ACYP2: variants seen among roughly 807,000 people sequenced by gnomAD.
ACYP2 encodes the protein acylphosphatase-2.
Under a neutral mutation model 11.2 loss-of-function variants are expected in ACYP2, and 12 were observed. That is an observed-to-expected ratio of 1.08 (90% confidence interval 0.69 to 1.74). The LOEUF (loss-of-function observed/expected upper bound fraction) is 1.74. ACYP2 is among the 40% of genes most tolerant of loss of function. The probability of loss-of-function intolerance (pLI) is 0.00; values close to 1 mark genes in which losing one functional copy is unlikely to be tolerated. For synonymous variants in ACYP2, 43 were observed against 32.2 expected (o/e 1.33, Z -1.13); for missense variants, 134 against 101.9 (o/e 1.31, Z -1.35).
intron 5 of ACYP2, 108 bp downstream of exon 2, chr2:54,135,577 G>A (rs1681175694): frequency 3.8e-6 from 3 of 785,212 alleles, no homozygotes; most frequent in Non-Finnish European, 6.1e-6. Context: ...TTTACTCCCT[G>A]TCCTTGACAG....
At chr2:54,240,253 G>A (rs1435399467) in intron 6 of ACYP2, among the ~76,000 whole-genome samples, 2 of 152,190 alleles carry the variant, frequency 1.3e-5, no homozygotes, top group Non-Finnish European at 2.9e-5. Flanking sequence ...TTTAGGTGAG[G>A]AATGAAGTCA....
chr2:54,256,260 A>G (rs1253743735), intron 6 of ACYP2: 5 of 1,302,396 alleles, frequency 3.8e-6, no homozygotes, highest in Non-Finnish European at 5.3e-6. Flanking sequence ...TGCGCCGCCC[A>G]CTCTTCAGTC....
chr2:54,095,201 G>A (rs1344246271), intron 4 of ACYP2, among the ~76,000 whole-genome samples: 3 of 152,094 alleles, frequency 2.0e-5, no homozygotes, highest in Non-Finnish European at 2.9e-5. Flanking sequence ...ACAGGGTTGG[G>A]GGTAAGGTCA....
intron 6 of ACYP2, among the ~76,000 whole-genome samples, chr2:54,181,979 A>G (rs904772559): frequency 5.3e-4 from 80 of 150,946 alleles, no homozygotes; most frequent in African/African-American, 1.7e-3. Flanking sequence ...ATACTTATTT[A>G]TGTGTCAGTA....
chr2:54,044,939 T>C (rs1295066980), intron 2 of ACYP2, among the ~76,000 whole-genome samples: 1 of 152,158 alleles, frequency 6.6e-6, no homozygotes, highest in Non-Finnish European at 1.5e-5. Flanking sequence ...TATCATGAGG[T>C]CAGCTCACTC....
intron 1 of ACYP2, among the ~76,000 whole-genome samples, chr2:53,972,625 C>T (rs1221829173): frequency 6.6e-6 from 1 of 151,998 alleles, no homozygotes; most frequent in African/African-American, 2.4e-5. Flanking sequence ...AAAAGAGTCA[C>T]TCTGGCTTCG....
intron 4 of ACYP2, among the ~76,000 whole-genome samples, chr2:54,071,741 T>C (rs1677056536): frequency 6.6e-6 from 1 of 152,170 alleles, no homozygotes; most frequent in South Asian, 2.1e-4. Flanking sequence ...CCGGGTGTGG[T>C]GGCTCATGCC....
chr2:54,029,667 G>T, intron 2 of ACYP2: 4 of 437,078 alleles, frequency 9.2e-6, no homozygotes, highest in African/African-American at 2.1e-5. Flanking sequence ...TTAGCTTGTA[G>T]AGTGCTTAAA....
At chr2:54,287,480 C>A (rs542822081) in intron 6 of ACYP2, among the ~76,000 whole-genome samples, 1 of 152,042 alleles carries the variant, frequency 6.6e-6, no homozygotes, top group African/African-American at 2.4e-5. Context: ...CATGGGCCAG[C>A]CTTAGTGACT....
intron 2 of ACYP2, among the ~76,000 whole-genome samples, chr2:54,044,002 G>A (rs900609452): frequency 1.3e-5 from 2 of 152,138 alleles, no homozygotes; most frequent in African/African-American, 4.8e-5. Context: ...GGTGAGAAGA[G>A]CAAGGGAAAG....
chr2:54,075,513 A>G (rs1227261203), intron 4 of ACYP2, among the ~76,000 whole-genome samples: 1 of 122,824 alleles, frequency 8.1e-6, no homozygotes, highest in Non-Finnish European at 1.8e-5. Context: ...TAAAAAAAAA[A>G]AGAAAGAAAA....
intron 2 of ACYP2, among the ~76,000 whole-genome samples, chr2:54,037,576 T>C: frequency 6.6e-6 from 1 of 152,034 alleles, no homozygotes; most frequent in Non-Finnish European, 1.5e-5. Flanking sequence ...CCTAGTTAAC[T>C]TTTAAATTTT....
At chr2:54,202,436 C>A (rs1175239070) in intron 6 of ACYP2, among the ~76,000 whole-genome samples, 2 of 98,090 alleles carry the variant, frequency 2.0e-5, no homozygotes, top group Non-Finnish European at 3.9e-5. Flanking sequence ...GAGATGGAAT[C>A]TTGCTCTGTC....
intron 6 of ACYP2, among the ~76,000 whole-genome samples, chr2:54,169,336 C>T (rs1394460163): frequency 6.6e-6 from 1 of 152,118 alleles, no homozygotes. Flanking sequence ...ATGAGAGCCT[C>T]CCCTATCCCC....
chr2:53,977,280 C>T (rs959462483), intron 2 of ACYP2, among the ~76,000 whole-genome samples: 2 of 152,044 alleles, frequency 1.3e-5, no homozygotes, highest in Non-Finnish European at 2.9e-5. Context: ...CTCCTGACCT[C>T]ATGATCCGCC....
chr2:54,281,468 G>A (rs1465925875), intron 6 of ACYP2, among the ~76,000 whole-genome samples: 1 of 152,184 alleles, frequency 6.6e-6, no homozygotes, highest in Non-Finnish European at 1.5e-5. Flanking sequence ...ACCCAGGACA[G>A]GTAAAGATGA....
chr2:54,096,070 C>T (rs1190360379), intron 4 of ACYP2, among the ~76,000 whole-genome samples: 14 of 135,432 alleles, frequency 1.0e-4, no homozygotes, highest in African/African-American at 3.4e-4. Flanking sequence ...CCACCTCCCT[C>T]CCGGACGGGG....
intron 6 of ACYP2, among the ~76,000 whole-genome samples, chr2:54,172,351 T>C (rs1246925774): frequency 3.9e-5 from 6 of 152,224 alleles, no homozygotes; most frequent in Non-Finnish European, 7.3e-5. Context: ...AAATTGAAGA[T>C]GTTTCATATG....
intron 4 of ACYP2, among the ~76,000 whole-genome samples, chr2:54,072,135 G>A (rs1192328144): frequency 1.3e-5 from 2 of 152,154 alleles, no homozygotes; most frequent in Non-Finnish European, 2.9e-5. Context: ...GTGCAAACCT[G>A]TAATCTGAAA....
Sources: allele counts gnomAD v4.1 joint callset (sites outside exome capture counted in the v4.1 genomes callset), GRCh38; gene constraint gnomAD v4.1.1; transcripts MANE v1.5; gene names NCBI Gene and HGNC (gene_info 2026-07-23, HGNC 2026-07-21).